The following CAMTA1 variants were observed in gnomAD, a reference collection of about 807,000 sequenced individuals.
CAMTA1 encodes calmodulin binding transcription activator 1.
CAMTA1 carries 27 observed loss-of-function variants against 170.9 expected under a neutral mutation model. That is an observed-to-expected ratio of 0.16 (90% confidence interval 0.12 to 0.22). The LOEUF (loss-of-function observed/expected upper bound fraction) is 0.22, where lower values mean the gene tolerates loss of function less well. Ranked by LOEUF, CAMTA1 falls within the 10% of genes least tolerant of loss-of-function variation. The pLI, the probability that CAMTA1 is intolerant of heterozygous loss-of-function variation, is 1.00. For missense variants in CAMTA1, 1,619 were observed against 2,217.2 expected (o/e 0.73, Z 5.42); for synonymous variants, 833 against 891.5 (o/e 0.93, Z 1.17).
Position 7,680,702 on chromosome 1 carries a change from G to T in CAMTA1, c.2914+2969G>T, listed in dbSNP as rs1035384586. Reference sequence around the variant, plus strand: ...GTGGCCTCTGCTGCATGTGGGATGCGCCCTTTGTCCCCTCTGCCATGCGCG... The same window carrying T: ...GTGGCCTCTGCTGCATGTGGGATGCTCCCTTTGTCCCCTCTGCCATGCGCG... On this transcript the variant is annotated intron_variant, in intron 11 of 22. Transcript: ENST00000303635. The surrounding 1 kb of genome is among the most constrained non-coding windows in gnomAD (Gnocchi z 4.4). Among the ~76,000 whole-genome samples, 8 of 151,994 alleles carry T rather than the reference G, an allele frequency of 5.3e-5. No individual in the cohort carries two copies. Among genetic ancestry groups the T allele is most frequent in the African/African-American group, 1.9e-4 (8 of 41,408 alleles).
intron 3 of CAMTA1, among the ~76,000 whole-genome samples, chr1:6,925,811 C>T (rs1472492035): frequency 6.6e-6 from 1 of 152,172 alleles, no homozygotes; most frequent in African/African-American, 2.4e-5. Context: ...AGTGTGAGGT[C>T]ACTGGAGCCT....
At chr1:7,587,708 C>T (rs1557962420) in intron 6 of CAMTA1, among the ~76,000 whole-genome samples, 1 of 152,022 alleles carries the variant, frequency 6.6e-6, no homozygotes, top group Non-Finnish European at 1.5e-5. Context: ...GGGTTGCAGA[C>T]ACCTGGGCTC....
chr1:7,396,015 G>T (rs2089278865), intron 5 of CAMTA1, among the ~76,000 whole-genome samples: 1 of 152,098 alleles, frequency 6.6e-6, no homozygotes, highest in Non-Finnish European at 1.5e-5. Flanking sequence ...TGCAAACAGG[G>T]ATGTTATGGT....
intron 11 of CAMTA1, among the ~76,000 whole-genome samples, chr1:7,729,114 C>CT (rs146252158): frequency 0.13 from 18,686 of 141,478 alleles, 1,732 homozygotes; most frequent in South Asian, 0.25. Flanking sequence ...TATGAGGAAT[C>CT]TTTTTTTTTC....
At position 7,536,571 on chromosome 1, in the gene CAMTA1, G is replaced by A. The variant is rs1044174820; in HGVS notation, c.510+68670G>A. 6.6e-5 allele frequency among the ~76,000 whole-genome samples: 10 copies of A among 152,216 alleles called. No homozygotes were observed. The South Asian group carries it at 2.1e-3, about 32-fold the overall frequency. The stretch of plus-strand genomic sequence containing the variant: ...GGCCTTGACAGGGGCTCTAGCCCAG[G>A]GTTCCCTATTCTGGAACAAAACTAG... On this transcript the variant is annotated intron_variant, in intron 6 of 22. Transcript: ENST00000303635.
chr1:7,624,803 G>C (rs1230861760), intron 6 of CAMTA1, among the ~76,000 whole-genome samples: 4 of 152,252 alleles, frequency 2.6e-5, no homozygotes, highest in Admixed American at 2.6e-4. Flanking sequence ...AAGATCAGTG[G>C]AAAGAGTGAG....
At chr1:7,292,618 A>G (rs1162388427) in intron 5 of CAMTA1, among the ~76,000 whole-genome samples, 5 of 152,126 alleles carry the variant, frequency 3.3e-5, no homozygotes, top group Admixed American at 3.3e-4. Flanking sequence ...AGAAGCTCAG[A>G]CTCAGCTCTG....
chr1:7,097,730 T>C (rs991765638), intron 4 of CAMTA1, among the ~76,000 whole-genome samples: 1 of 152,344 alleles, frequency 6.6e-6, no homozygotes, highest in South Asian at 2.1e-4. Context: ...GAAGACGTTA[T>C]ACTCAGTGAA....
chr1:6,886,582 T>G (rs1673290942), intron 3 of CAMTA1, among the ~76,000 whole-genome samples: 1 of 152,248 alleles, frequency 6.6e-6, no homozygotes, highest in Non-Finnish European at 1.5e-5. Flanking sequence ...AAGGCGATGT[T>G]TTACTCACAT....
chr1:7,534,061 C>T lies in CAMTA1; in HGVS notation c.510+66160C>T, dbSNP rs1248960994. Among the ~76,000 whole-genome samples, 1 of 152,222 alleles carries T rather than the reference C, an allele frequency of 6.6e-6. No individual in the cohort carries two copies. The highest frequency in any genetic ancestry group is 1.9e-4 in the East Asian group (1 of 5,182). ...ACCCTGAACCCTGCCCTTGCCCAGC[C>T]TGGCTCTCCTGGGGGCTCATGGGAC... is the stretch of plus-strand genomic sequence containing the variant. On this transcript the variant is annotated intron_variant, in intron 6 of 22. Transcript: ENST00000303635. The surrounding 1 kb of genome is among the most constrained non-coding windows in gnomAD (Gnocchi z 5.6).
intron 4 of CAMTA1, among the ~76,000 whole-genome samples, chr1:7,101,430 G>A (rs1432346432): frequency 6.6e-6 from 1 of 152,222 alleles, no homozygotes; most frequent in East Asian, 1.9e-4. Flanking sequence ...TCATCTGGGG[G>A]TTCTGGGCTG....
intron 11 of CAMTA1, among the ~76,000 whole-genome samples, chr1:7,687,358 G>A (rs2096267840): frequency 1.3e-5 from 2 of 152,040 alleles, no homozygotes; most frequent in African/African-American, 4.8e-5. Context: ...GCCAAGCAGG[G>A]AGCTGGGTAA....
intron 7 of CAMTA1, among the ~76,000 whole-genome samples, chr1:7,647,631 T>C (rs919283451): frequency 2.0e-5 from 3 of 152,160 alleles, no homozygotes; most frequent in Admixed American, 1.3e-4. Flanking sequence ...CAGGAGACCC[T>C]AGGGAGAGGT....
At chr1:7,724,566 C>A (rs1187281533) in intron 11 of CAMTA1, among the ~76,000 whole-genome samples, 1 of 152,170 alleles carries the variant, frequency 6.6e-6, no homozygotes, top group African/African-American at 2.4e-5. Context: ...GGCGCGGTGG[C>A]TCACGCCTGT....
At chr1:7,440,526 A>G (rs17030865) in intron 5 of CAMTA1, among the ~76,000 whole-genome samples, 13,178 of 152,310 alleles carry the variant, frequency 0.087, 1,647 homozygotes, top group African/African-American at 0.28. Flanking sequence ...ATCGGTTTCC[A>G]AAATTAGTCT....
chr1:7,528,824 T>C (rs189396775), intron 6 of CAMTA1, among the ~76,000 whole-genome samples: 1 of 147,484 alleles, frequency 6.8e-6, no homozygotes, highest in Non-Finnish European at 1.5e-5. Flanking sequence ...AATGAATGAA[T>C]GAATGAATGA....
At chr1:7,287,065 TG>T (rs1245346148) in intron 5 of CAMTA1, among the ~76,000 whole-genome samples, 1 of 152,212 alleles carries the variant, frequency 6.6e-6, no homozygotes, top group Admixed American at 6.5e-5. Context: ...ATCAGCTGCC[TG>T]GAGCAACTGC....
Position 7,216,946 on chromosome 1 carries a change from T to C in CAMTA1, c.303-32545T>C, listed in dbSNP as rs1254060294. ...AATGTTGTTTCTTAAATTATACTTA[T>C]TCTACTTTGATATCAAGATTGCAAT... On this transcript the variant is annotated intron_variant, in intron 4 of 22. Transcript: ENST00000303635. The surrounding 1 kb of genome is among the most constrained non-coding windows in gnomAD (Gnocchi z 4.0). 6.6e-6 allele frequency among the ~76,000 whole-genome samples: 1 copy of C among 152,262 alleles called. No homozygotes were observed. Among genetic ancestry groups the C allele is most frequent in the Non-Finnish European group, 1.5e-5 (1 of 68,048 alleles).
At chr1:7,326,345 G>A (rs576925078) in intron 5 of CAMTA1, among the ~76,000 whole-genome samples, 47 of 152,350 alleles carry the variant, frequency 3.1e-4, no homozygotes, top group African/African-American at 1.1e-3. Flanking sequence ...AAATGTGTAC[G>A]TCATCAGCAG....
Sources: allele counts gnomAD v4.1 joint callset (sites outside exome capture counted in the v4.1 genomes callset), GRCh38; gene constraint gnomAD v4.1.1; non-coding constraint Gnocchi (gnomAD v3.1); transcripts MANE v1.5; gene names NCBI Gene and HGNC (gene_info 2026-07-23, HGNC 2026-07-21).